Variants in ARL15 observed in about 807,000 individuals in gnomAD.
ARL15 encodes ADP-ribosylation factor-like protein 15.
A neutral mutation model predicts 25.2 loss-of-function variants in ARL15; 19 were observed. The observed-to-expected ratio is 0.75, with a 90% CI of 0.53 to 1.10. The LOEUF is 1.10. Among genes scored for constraint, ARL15 ranks in the 50% least tolerant of loss-of-function variants. The pLI is 0.00. For synonymous variants in ARL15, 94 were observed against 86.8 expected (o/e 1.08, Z -0.46); for missense variants, 220 against 246.0 (o/e 0.89, Z 0.71).
At position 54,154,529 on chromosome 5, in the gene ARL15, C is replaced by T. The variant is rs141401611; in HGVS notation, c.253+51G>A. On this transcript the variant is annotated intron_variant, in intron 3 of 4. Coordinates refer to ENST00000504924, the MANE Select transcript of ARL15 (RefSeq NM_019087.3). ...TGAATTACATATAATACATTATTAC[C>T]AAATTCATAAAAGTTAAGGGCAGAC... 24 of 1,205,790 alleles carry T rather than the reference C, an allele frequency of 2.0e-5. No individual in the cohort carries two copies. In the African/African-American group the frequency reaches 2.1e-4, roughly 10 times the overall value. 74.7% of individuals were successfully genotyped at this position (1,205,790 alleles called of 1,614,324 possible).
intron 3 of ARL15, among the ~76,000 whole-genome samples, chr5:54,144,201 A>C (rs895363846): frequency 4.6e-5 from 7 of 151,330 alleles, no homozygotes; most frequent in South Asian, 2.1e-4. Context: ...TTACATCTAA[A>C]TATTTTTTTT....
intron 4 of ARL15, among the ~76,000 whole-genome samples, chr5:54,033,513 A>T (rs528254462): frequency 2.7e-4 from 41 of 151,346 alleles, no homozygotes; most frequent in Non-Finnish European, 4.9e-4. Flanking sequence ...ACTAAAAAAA[A>T]ATACAAAAGT....
chr5:54,173,943 C>T (rs1355478854), intron 1 of ARL15, among the ~76,000 whole-genome samples: 1 of 152,072 alleles, frequency 6.6e-6, no homozygotes, highest in Non-Finnish European at 1.5e-5. Context: ...TGGACTTAGC[C>T]AACACCTCAT....
intron 4 of ARL15, among the ~76,000 whole-genome samples, chr5:53,940,070 C>T (rs1323093299): frequency 6.6e-6 from 1 of 151,864 alleles, no homozygotes; most frequent in Non-Finnish European, 1.5e-5. Context: ...GCTCCGCCTC[C>T]CTGGTTCACG....
At chr5:53,976,762 A>G (rs1172061879) in intron 4 of ARL15, among the ~76,000 whole-genome samples, 1 of 152,220 alleles carries the variant, frequency 6.6e-6, no homozygotes, top group East Asian at 1.9e-4. Context: ...GGAAAGTTCT[A>G]TACATAGATC....
chr5:53,915,058 G>A (rs964262034), intron 4 of ARL15, among the ~76,000 whole-genome samples: 4 of 152,284 alleles, frequency 2.6e-5, no homozygotes, highest in African/African-American at 7.2e-5. Flanking sequence ...TGATCAACCC[G>A]CCTTGGCCTC....
At chr5:54,191,323 G>C (rs1282339475) in intron 1 of ARL15, among the ~76,000 whole-genome samples, 1 of 152,162 alleles carries the variant, frequency 6.6e-6, no homozygotes, top group African/African-American at 2.4e-5. Flanking sequence ...GATACAGGCA[G>C]TTATTGTTCA....
chr5:54,284,572 G>A (rs1254546585), intron 1 of ARL15, among the ~76,000 whole-genome samples: 1 of 152,190 alleles, frequency 6.6e-6, no homozygotes, highest in Admixed American at 6.5e-5. Flanking sequence ...ATCTTTTAAG[G>A]AGGGAGAAAT....
chr5:54,112,125 T>C (rs1329429819), intron 4 of ARL15, among the ~76,000 whole-genome samples: 1 of 152,246 alleles, frequency 6.6e-6, no homozygotes, highest in Admixed American at 6.5e-5. Flanking sequence ...GCCTTTCTTT[T>C]TTTTAAACTG....
At chr5:54,141,236 A>G (rs1045932480) in intron 3 of ARL15, among the ~76,000 whole-genome samples, 1 of 152,138 alleles carries the variant, frequency 6.6e-6, no homozygotes, top group African/African-American at 2.4e-5. Flanking sequence ...CTACACATTA[A>G]GTTAATTGAT....
rs967972680 is a variant in ARL15, at chr5:54,056,892, A to T, written c.462+56310T>A. Among the ~76,000 whole-genome samples the T allele has an allele frequency of 3.9e-5, 6 of 152,162 alleles. 1 individual carries two copies. The highest frequency in any genetic ancestry group is 8.8e-5 in the Non-Finnish European group (6 of 68,026). ...GGGAGCACAAATACCTAGCTCACAG[A>T]TCAGCTTTGTGAATTAAATGAGAAA... On this transcript the variant is annotated intron_variant, in intron 4 of 4. Transcript: ENST00000504924.
chr5:54,083,844 C>T (rs569251900), intron 4 of ARL15, among the ~76,000 whole-genome samples: 273 of 152,226 alleles, frequency 1.8e-3, no homozygotes, highest in Non-Finnish European at 2.9e-3. Context: ...AACAATACCT[C>T]AGAAAAGGTT....
At chr5:53,939,263 T>G (rs749434676) in intron 4 of ARL15, among the ~76,000 whole-genome samples, 6 of 152,250 alleles carry the variant, frequency 3.9e-5, no homozygotes, top group Non-Finnish European at 8.8e-5. Flanking sequence ...ATTTTTCTTA[T>G]GAAAGTGTTA....
intron 4 of ARL15, among the ~76,000 whole-genome samples, chr5:54,021,644 G>A (rs1043670486): frequency 2.6e-5 from 4 of 152,092 alleles, no homozygotes; most frequent in African/African-American, 9.7e-5. Flanking sequence ...GACCATAATC[G>A]AAGATTTCCT....
At chr5:54,140,389 A>AAT (rs368184225) in intron 3 of ARL15, among the ~76,000 whole-genome samples, 4,298 of 151,518 alleles carry the variant, frequency 0.028, 201 homozygotes, top group African/African-American at 0.099. Context: ...AAAGGGTTTA[A>AAT]ATATATATAT....
intron 4 of ARL15, among the ~76,000 whole-genome samples, chr5:53,968,634 C>G (rs558054951): frequency 6.6e-6 from 1 of 152,014 alleles, no homozygotes; most frequent in African/African-American, 2.4e-5. Context: ...AGTCTTCGGA[C>G]GGGCTTACCA....
intron 1 of ARL15, among the ~76,000 whole-genome samples, chr5:54,299,584 CTT>C (rs752417066): frequency 3.3e-3 from 260 of 79,502 alleles, no homozygotes; most frequent in Non-Finnish European, 4.7e-3. Flanking sequence ...TAGCTATTAG[CTT>C]TTTTTTTTTT....
intron 4 of ARL15, among the ~76,000 whole-genome samples, chr5:53,988,299 C>CAAAAAGAA (rs1197084198): frequency 1.8e-4 from 19 of 103,674 alleles, no homozygotes; most frequent in African/African-American, 4.4e-4. Context: ...GAGCCTGTCT[C>CAAAAAGAA]AAAAAGAAAA....
chr5:53,888,266 T>C (rs1744599533), intron 4 of ARL15, among the ~76,000 whole-genome samples: 1 of 149,594 alleles, frequency 6.7e-6, no homozygotes, highest in South Asian at 2.1e-4. Context: ...TTTTGTTTTA[T>C]TTATTTATTT....
Sources: gnomAD v4.1 joint callset for allele counts (sites outside exome capture counted in the v4.1 genomes callset) on GRCh38, gnomAD v4.1.1 for gene constraint, MANE v1.5 for transcripts, NCBI Gene and HGNC (gene_info 2026-07-23, HGNC 2026-07-21) for gene names.